MTG1: variants seen among roughly 807,000 people sequenced by gnomAD.
The protein encoded by MTG1 is mitochondrial ribosome-associated GTPase 1.
In MTG1, 30 loss-of-function variants were observed where a neutral mutation model predicts 39.5. The observed-to-expected ratio is 0.76, with a 90% confidence interval of 0.57 to 1.03. MTG1 has a LOEUF of 1.03. Ranked by LOEUF, MTG1 falls within the 50% of genes least tolerant of loss-of-function variation. The pLI is 0.00. For synonymous variants in MTG1, 217 were observed against 179.0 expected, an observed-to-expected ratio of 1.21 and a Z score of -1.69; for missense variants, 513 against 447.4, an observed-to-expected ratio of 1.15 and a Z score of -1.32.
intron 9 of MTG1, among the ~76,000 whole-genome samples, chr10:133,414,142 A>G (rs1416699896): frequency 6.7e-6 from 1 of 150,272 alleles, no homozygotes; most frequent in Non-Finnish European, 1.5e-5. Flanking sequence ...GCCTTCAAGC[A>G]TCTGTTTAAC....
At chr10:133,399,798 G>A (rs1849846142) in intron 6 of MTG1, 179 bp downstream of exon 6, 1 of 547,686 alleles carries the variant, frequency 1.8e-6, no homozygotes, top group East Asian at 3.0e-5. Context: ...GGGCTGAACA[G>A]TGGGACCAGG....
chr10:133,399,145 C>A (rs369034376), intron 4 of MTG1, 25 bp from the exon 5 acceptor site: 138 of 1,614,034 alleles, frequency 8.6e-5, no homozygotes, highest in Non-Finnish European at 1.1e-4. Context: ...CCTGGGGTGG[C>A]TCCATGAGTG....
chr10:133,394,219 C>G lies in MTG1; in HGVS notation c.-2C>G. The G allele has an allele frequency of 6.6e-7, 1 of 1,515,990 alleles. No individual in the cohort carries two copies. The highest frequency in any genetic ancestry group is 8.8e-7 in the Non-Finnish European group (1 of 1,136,710). 93.9% of individuals were successfully genotyped at this position (1,515,990 alleles called of 1,614,324 possible). ...GGGAGCGTTTCCGGGGACGGTGCCG[C>G]CATGAGATTGACCCCGCGCGCGCTG... On this transcript the variant is annotated 5_prime_UTR_variant, in exon 1 of 11. Transcript: ENST00000317502.
chr10:133,398,937 A>T (rs1345529874), intron 4 of MTG1, among the ~76,000 whole-genome samples: 1 of 151,852 alleles, frequency 6.6e-6, no homozygotes, highest in Non-Finnish European at 1.5e-5. Flanking sequence ...CCTGGACAGA[A>T]CTCCAGTTTC....
At chr10:133,401,640 C>T (rs760268490) in intron 7 of MTG1, 50 bp downstream of exon 7, 31 of 1,562,924 alleles carry the variant, frequency 2.0e-5, no homozygotes, top group Admixed American at 6.7e-5. Flanking sequence ...GCTCTGCAGG[C>T]GTCTGGCACC....
Position 133,402,901 on chromosome 10 carries a change from A to G in MTG1, c.752+128A>G, listed in dbSNP as rs1849907928. 4 of 708,762 alleles carry G rather than the reference A, an allele frequency of 5.6e-6. No individual in the cohort carries two copies. The highest frequency in any genetic ancestry group is 2.0e-5 in the South Asian group (1 of 50,608). The allele number at this position is 708,762 out of a possible 1,614,324, so 43.9% of individuals were successfully genotyped here. ...AAACACGGTAACCTGCACATCGTTTAAAGCGTCCAGTTGGACAAGTTCGGG... is the reference window on the plus strand; with the variant it reads ...AAACACGGTAACCTGCACATCGTTTGAAGCGTCCAGTTGGACAAGTTCGGG... On this transcript the variant is annotated intron_variant, in intron 9 of 10. Coordinates refer to ENST00000317502, the MANE Select transcript of MTG1 (RefSeq NM_138384.4). The surrounding 1 kb of genome is among the most constrained non-coding windows in gnomAD (Gnocchi z 4.7).
rs749771386 is a variant in MTG1 at position 133,396,152 on chromosome 10, A to T, written c.178-11A>T. The T allele has an allele frequency of 6.2e-7, 1 of 1,613,012 alleles. No homozygotes were observed. The highest frequency in any genetic ancestry group is 1.7e-5 in the Admixed American group (1 of 59,916). ...AAAGCTTTGGAGGAATTTTTACCTTAATTTTGCCACATCCCACTTTCAGGC... is the reference window on the plus strand; with the variant it reads ...AAAGCTTTGGAGGAATTTTTACCTTTATTTTGCCACATCCCACTTTCAGGC... On this transcript the variant is annotated splice_polypyrimidine_tract_variant and intron_variant, in intron 2 of 10. Coordinates refer to ENST00000317502, the MANE Select transcript of MTG1 (RefSeq NM_138384.4).
chr10:133,419,738 C>T, intron 10 of MTG1, 146 bp downstream of exon 10: 1 of 752,176 alleles, frequency 1.3e-6, no homozygotes, highest in Non-Finnish European at 2.2e-6. Context: ...GGCAGGGGAG[C>T]TACAGAAAGT....
chr10:133,398,063 T>C (rs114842597), intron 3 of MTG1, among the ~76,000 whole-genome samples: 1,619 of 152,314 alleles, frequency 0.011, 12 homozygotes, highest in Middle Eastern at 0.017. Flanking sequence ...GGTGTGTGTC[T>C]TATGTTTGAT....
At position 133,399,340 on chromosome 10, in the gene MTG1, C is replaced by T. The variant is rs994733403; in HGVS notation, c.420+114C>T. 42 of 1,326,782 alleles carry T rather than the reference C, an allele frequency of 3.2e-5. 1 individual carries two copies. The Admixed American group carries it at 7.6e-4, about 24-fold the overall frequency. The allele number at this position is 1,326,782 out of a possible 1,614,324, so 82.2% of individuals were successfully genotyped here. A position where few individuals can be genotyped will look rare whatever the true frequency, so the allele number is the denominator to read the frequency against. ...AGCGCCCCAGGCAGGGAGGCCCCTC[C>T]TTTGTCCTCTCATTCTCTTCAGTGG... is the stretch of plus-strand genomic sequence containing the variant. On this transcript the variant is annotated intron_variant, in intron 5 of 10. Transcript: ENST00000317502.
chr10:133,403,872 A>G (rs1849926096), intron 9 of MTG1, among the ~76,000 whole-genome samples: 1 of 152,060 alleles, frequency 6.6e-6, no homozygotes, highest in South Asian at 2.1e-4. Flanking sequence ...CAAGGTAGTT[A>G]CACTGTTTTA....
intron 3 of MTG1, among the ~76,000 whole-genome samples, chr10:133,396,987 A>G (rs1015419085): frequency 1.3e-5 from 2 of 152,302 alleles, no homozygotes; most frequent in African/African-American, 2.4e-5. Flanking sequence ...CCCTTTCCCC[A>G]GGGGAGTTTA....
At chr10:133,408,699 GTTT>G (rs1252472263) in intron 9 of MTG1, among the ~76,000 whole-genome samples, 1 of 152,134 alleles carries the variant, frequency 6.6e-6, no homozygotes, top group Non-Finnish European at 1.5e-5. Flanking sequence ...GATGAAAGAC[GTTT>G]TATTACTGCT....
At position 133,395,702 on chromosome 10, in the gene MTG1, C is replaced by G. The variant is rs148522639; in HGVS notation, c.113-11C>G. ...TGAGCCCCTTCGCTGAGGCGTCCTT[C>G]TGTTTTCCAGGGCTGAAGAAGATGC... is the stretch of plus-strand genomic sequence containing the variant. On this transcript the variant is annotated splice_polypyrimidine_tract_variant and intron_variant, in intron 1 of 10. Coordinates refer to ENST00000317502, the MANE Select transcript of MTG1 (RefSeq NM_138384.4). The G allele has an allele frequency of 6.2e-7, 1 of 1,613,726 alleles. No individual in the cohort carries two copies. The highest frequency in any genetic ancestry group is 1.3e-5 in the African/African-American group (1 of 74,934).
intron 9 of MTG1, among the ~76,000 whole-genome samples, chr10:133,411,550 T>A (rs1234238494): frequency 6.6e-6 from 1 of 152,264 alleles, no homozygotes; most frequent in Non-Finnish European, 1.5e-5. Flanking sequence ...TTCCTCTTGC[T>A]CGGTTCCTTC....
At chr10:133,395,221 G>C (rs767147179) in intron 1 of MTG1, among the ~76,000 whole-genome samples, 49 of 152,168 alleles carry the variant, frequency 3.2e-4, no homozygotes, top group Non-Finnish European at 5.1e-4. Context: ...TGGTGAAACC[G>C]TGTCTCTACT....
chr10:133,415,634 A>G (rs756235541), intron 9 of MTG1, among the ~76,000 whole-genome samples: 1 of 151,732 alleles, frequency 6.6e-6, no homozygotes, highest in Non-Finnish European at 1.5e-5. Context: ...TGCTTCCAGG[A>G]TTTTCTCTCT....
At chr10:133,409,833 T>G (rs539701249) in intron 9 of MTG1, among the ~76,000 whole-genome samples, 4 of 152,210 alleles carry the variant, frequency 2.6e-5, no homozygotes, top group African/African-American at 9.6e-5. Flanking sequence ...GTATTGCTGC[T>G]CCTGCTCTTT....
chr10:133,402,732 T>C lies in MTG1; in HGVS notation c.711T>C (p.Ala237=), dbSNP rs760263132. The change falls in exon 9 of 11, where the codon GCT becomes GCC. Residue 237 remains alanine, a synonymous_variant. Coordinates refer to ENST00000317502, the MANE Select transcript of MTG1 (RefSeq NM_138384.4). The surrounding 1 kb of genome is among the most constrained non-coding windows in gnomAD (Gnocchi z 4.7). ...LDHLVGEETM[A]DYLLYTLNKH... ...ACCTGGTCGGGGAGGAGACCATGGC[T>C]GACTACCTGCTGTACACCCTCAACA... is the stretch of plus-strand genomic sequence containing the variant. 1.2e-6 allele frequency: 2 copies of C among 1,608,652 alleles called. No individual in the cohort carries two copies. Among genetic ancestry groups the C allele is most frequent in the East Asian group, 4.5e-5 (2 of 44,784 alleles).
Sources: allele counts gnomAD v4.1 joint callset (sites outside exome capture counted in the v4.1 genomes callset), GRCh38; gene constraint gnomAD v4.1.1; non-coding constraint Gnocchi (gnomAD v3.1); transcripts MANE v1.5; gene names NCBI Gene and HGNC (gene_info 2026-07-23, HGNC 2026-07-21).